NAV2: variants seen among roughly 807,000 people sequenced by gnomAD.
The protein encoded by NAV2 is helicase, APC down-regulated 1.
A neutral mutation model predicts 223.2 loss-of-function variants in NAV2; 54 were observed. That is an observed-to-expected ratio of 0.24 (90% CI 0.19 to 0.30). NAV2 has a LOEUF of 0.30. Ranked by LOEUF, NAV2 falls within the 10% of genes least tolerant of loss-of-function variation. The probability of loss-of-function intolerance (pLI) is 1.00; values close to 1 mark genes in which losing one functional copy is unlikely to be tolerated. For missense variants in NAV2, 2,806 were observed against 3,147.5 expected (o/e 0.89, Z 2.60); for synonymous variants, 1,279 against 1,239.3 (o/e 1.03, Z -0.67).
At chr11:19,529,882 C>A (rs59411347) in intron 1 of NAV2, among the ~76,000 whole-genome samples, 2 of 152,170 alleles carry the variant, frequency 1.3e-5, no homozygotes, top group Non-Finnish European at 2.9e-5. Context: ...GAACACAAAG[C>A]GTCATTTTTC....
intron 1 of NAV2, among the ~76,000 whole-genome samples, chr11:19,453,903 C>T (rs996651516): frequency 3.9e-5 from 6 of 152,164 alleles, no homozygotes; most frequent in African/African-American, 1.4e-4. Flanking sequence ...TAATTGAATG[C>T]CTTTATGTTG....
chr11:19,948,563 T>G (rs2047125629), intron 9 of NAV2, 128 bp from the exon 10 acceptor site: 7 of 983,040 alleles, frequency 7.1e-6, no homozygotes, highest in Admixed American at 3.3e-5. Context: ...AGGTGGTACA[T>G]GGGGGCTGGC....
chr11:19,368,492 A>T (rs570802511), intron 1 of NAV2, among the ~76,000 whole-genome samples: 4 of 152,178 alleles, frequency 2.6e-5, no homozygotes, highest in African/African-American at 9.7e-5. Context: ...TGGAAGAGCC[A>T]TTTCACTACT....
rs982414877 is a variant in NAV2, at chr11:19,898,233, G to T, written c.931+5639G>T. On this transcript the variant is annotated intron_variant, in intron 6 of 37. Transcript: ENST00000349880. ...TTACAGAAAGCACATCTTGATTTTC[G>T]TTACAAAAATAATGGAAGATATTCA... 5.9e-5 allele frequency among the ~76,000 whole-genome samples: 9 copies of T among 151,824 alleles called. No homozygotes were observed. The South Asian group carries it at 8.3e-4, about 14-fold the overall frequency.
chr11:19,712,479 C>T (rs2049937448), upstream of NAV2: 1 of 152,222 alleles, frequency 6.6e-6, no homozygotes, highest in South Asian at 2.1e-4. Context: ...AAGACTCAAA[C>T]CGTTAAGGTG....
intron 8 of NAV2, among the ~76,000 whole-genome samples, chr11:19,941,929 T>TC (rs1161427566): frequency 3.3e-5 from 5 of 152,324 alleles, no homozygotes; most frequent in Admixed American, 6.5e-5. Flanking sequence ...TAAGGTTTCT[T>TC]TATTTCCAAG....
intron 1 of NAV2, among the ~76,000 whole-genome samples, chr11:19,664,893 G>C (rs543405839): frequency 1.1e-4 from 16 of 152,214 alleles, no homozygotes; most frequent in African/African-American, 3.6e-4. Flanking sequence ...TCAGGGCAGG[G>C]TGTGAGAGAG....
In NAV2 at chr11:20,025,922, C is replaced by T. The variant is rs545925727; in HGVS notation, c.2769-10037C>T. Among the ~76,000 whole-genome samples, 4 of 152,340 alleles carry T rather than the reference C, an allele frequency of 2.6e-5. No homozygotes were observed. The South Asian group carries it at 8.3e-4, about 32-fold the overall frequency. On this transcript the variant is annotated intron_variant, in intron 11 of 37. Coordinates refer to ENST00000349880, the MANE Select transcript of NAV2 (RefSeq NM_145117.5). ...TGGATCCTGTACTGCAACTGACATG[C>T]ATGGACTCTCTCCCATATACATGGA...
At chr11:20,044,879 G>A in intron 13 of NAV2, 89 bp from the exon 14 acceptor site, 1 of 1,096,268 alleles carries the variant, frequency 9.1e-7, no homozygotes, top group Non-Finnish European at 1.3e-6. Context: ...AAGTGAACCA[G>A]CTCTTCAGAG....
chr11:19,627,878 A>C (rs1035059117), intron 1 of NAV2, among the ~76,000 whole-genome samples: 2 of 150,130 alleles, frequency 1.3e-5, no homozygotes, highest in African/African-American at 4.9e-5. Flanking sequence ...ACCTTGGACA[A>C]GTTCCTCAAC....
chr11:20,043,978 C>T lies in NAV2; in HGVS notation c.2908-3C>T, dbSNP rs2153583210. 1 of 1,612,368 alleles carries T rather than the reference C, an allele frequency of 6.2e-7. No individual in the cohort carries two copies. Among genetic ancestry groups the T allele is most frequent in the Non-Finnish European group, 8.5e-7 (1 of 1,178,458 alleles). On this transcript the variant is annotated splice_polypyrimidine_tract_variant and splice_region_variant and intron_variant, in intron 12 of 37. Transcript: ENST00000349880. ...GACTAATTCAGAGAGTCTCTGTCCA[C>T]AGACTGATGCTGAGAAGCACTCACA...
chr11:19,618,184 T>G (rs180791368), intron 1 of NAV2, among the ~76,000 whole-genome samples: 2 of 152,340 alleles, frequency 1.3e-5, no homozygotes, highest in East Asian at 3.9e-4. Flanking sequence ...TCAAACATAG[T>G]AGGTCCTTCA....
intron 10 of NAV2, among the ~76,000 whole-genome samples, chr11:19,976,595 TC>T (rs1172708849): frequency 6.6e-6 from 1 of 152,214 alleles, no homozygotes; most frequent in East Asian, 1.9e-4. Context: ...TTTGCAGTAC[TC>T]CCCAGTGAGG....
At chr11:20,072,350 A>G (rs1221029910) in intron 22 of NAV2, among the ~76,000 whole-genome samples, 3 of 152,148 alleles carry the variant, frequency 2.0e-5, no homozygotes, top group East Asian at 3.8e-4. Flanking sequence ...GCCTTGTAGT[A>G]TAGTTTGAAG....
chr11:19,915,274 A>G (rs555211939), intron 6 of NAV2, among the ~76,000 whole-genome samples: 3 of 152,366 alleles, frequency 2.0e-5, no homozygotes, highest in Non-Finnish European at 2.9e-5. Context: ...GTCAGAAGTT[A>G]TCTCATTTTC....
intron 1 of NAV2, among the ~76,000 whole-genome samples, chr11:19,492,264 C>T (rs1308394532): frequency 1.3e-5 from 2 of 151,524 alleles, no homozygotes; most frequent in African/African-American, 2.4e-5. Context: ...AGGGTTGCCA[C>T]AACCTTTCAA....
chr11:19,594,542 T>A (rs1490926659), intron 1 of NAV2, among the ~76,000 whole-genome samples: 2 of 152,046 alleles, frequency 1.3e-5, no homozygotes, highest in Admixed American at 1.3e-4. Flanking sequence ...CGAGTCAGGA[T>A]ATGAGTTGTC....
chr11:19,967,542 T>C (rs1439998547), intron 10 of NAV2, among the ~76,000 whole-genome samples: 1 of 152,076 alleles, frequency 6.6e-6, no homozygotes, highest in African/African-American at 2.4e-5. Flanking sequence ...ACTTGAACCA[T>C]AGGTGGAAGT....
chr11:19,459,495 C>G (rs1852078996), intron 1 of NAV2, among the ~76,000 whole-genome samples: 1 of 152,200 alleles, frequency 6.6e-6, no homozygotes. Context: ...ATCATCTGAT[C>G]AGCCAGGCCT....
Sources: allele counts gnomAD v4.1 joint callset (sites outside exome capture counted in the v4.1 genomes callset), GRCh38; gene constraint gnomAD v4.1.1; transcripts MANE v1.5; gene names NCBI Gene and HGNC (gene_info 2026-07-23, HGNC 2026-07-21).